Variants in AKAP6 observed in about 807,000 individuals in gnomAD.
AKAP6 encodes the protein A-kinase anchoring protein 6, also known as A-kinase anchor protein 6.
AKAP6 carries 58 observed loss-of-function variants against 188.5 expected under a neutral mutation model. That is an observed-to-expected ratio of 0.31 (90% CI 0.25 to 0.38). AKAP6 has a LOEUF of 0.38. Ranked by LOEUF, AKAP6 falls within the 10% of genes least tolerant of loss-of-function variation. The pLI, the probability that AKAP6 is intolerant of heterozygous loss-of-function variation, is 1.00. For missense variants in AKAP6, 2,710 were observed against 2,740.0 expected, an observed-to-expected ratio of 0.99 and a Z score of 0.24; for synonymous variants, 989 against 998.6, an observed-to-expected ratio of 0.99 and a Z score of 0.18.
At chr14:32,706,284 A>G (rs1890808389) in intron 9 of AKAP6, among the ~76,000 whole-genome samples, 1 of 152,154 alleles carries the variant, frequency 6.6e-6, no homozygotes. Flanking sequence ...TCTGCAAAGA[A>G]AAGATGATAG....
rs763008248 is a variant in AKAP6, at chr14:32,824,494, A to G, written c.6681A>G (p.Glu2227=). The stretch of plus-strand genomic sequence containing the variant: ...AGGAAAGAGCTGAGGTTGGAAAGGA[A>G]GTGAATGGTTTGCCCCAAACTTCCA... ...SSQERAEVGK[E]VNGLPQTSSG... is the part of the protein sequence containing the mutation. The change falls in exon 13 of 14, where the codon GAA becomes GAG. Residue 2227 remains glutamate (E), a synonymous_variant. Transcript: ENST00000280979. 6.8e-6 allele frequency: 11 copies of G among 1,614,004 alleles called. No homozygotes were observed. The East Asian group carries it at 2.5e-4, about 36-fold the overall frequency.
intron 3 of AKAP6, among the ~76,000 whole-genome samples, chr14:32,537,863 G>A (rs898851784): frequency 2.0e-5 from 3 of 152,166 alleles, no homozygotes; most frequent in African/African-American, 7.2e-5. Context: ...GCCATGGACG[G>A]TAATTGTTGC....
intron 2 of AKAP6, among the ~76,000 whole-genome samples, chr14:32,496,651 G>T (rs573267750): frequency 1.3e-4 from 20 of 152,054 alleles, no homozygotes; most frequent in African/African-American, 4.8e-4. Context: ...AAAAGCTGCA[G>T]TATTATTACC....
intron 2 of AKAP6, among the ~76,000 whole-genome samples, chr14:32,510,075 T>C (rs1440976701): frequency 6.6e-6 from 1 of 152,012 alleles, no homozygotes; most frequent in East Asian, 1.9e-4. Flanking sequence ...TGTATTACTT[T>C]GTGGGCGGAG....
At chr14:32,377,754 T>C (rs957257767) in intron 1 of AKAP6, among the ~76,000 whole-genome samples, 2 of 152,240 alleles carry the variant, frequency 1.3e-5, no homozygotes, top group Admixed American at 6.5e-5. Context: ...GTAGGAGTTT[T>C]ATTAACTTAC....
Position 32,577,032 on chromosome 14 carries a change from T to C in AKAP6, c.2347-88T>C, listed in dbSNP as rs372113390. The C allele has an allele frequency of 1.2e-5, 17 of 1,462,474 alleles. No individual in the cohort carries two copies. The African/African-American group carries it at 2.0e-4, about 17-fold the overall frequency. The allele number at this position is 1,462,474 out of a possible 1,614,324, so 90.6% of individuals were successfully genotyped here. A position where few individuals can be genotyped will look rare whatever the true frequency, so the allele number is the denominator to read the frequency against. ...GATCGATTTGATCATGGATAAAATTTGGAACTTTTAATATTGGCTTTTTAC... is the reference window on the plus strand; with the variant it reads ...GATCGATTTGATCATGGATAAAATTCGGAACTTTTAATATTGGCTTTTTAC... On this transcript the variant is annotated intron_variant, in intron 4 of 13. Coordinates refer to ENST00000280979, the MANE Select transcript of AKAP6 (RefSeq NM_004274.5).
chr14:32,667,102 TG>T (rs1053381606), intron 7 of AKAP6, among the ~76,000 whole-genome samples: 2 of 152,136 alleles, frequency 1.3e-5, no homozygotes, highest in African/African-American at 4.8e-5. Context: ...CTCTTTGTTT[TG>T]AGGGTAATAC....
At chr14:32,555,885 A>G (rs895641863) in intron 4 of AKAP6, among the ~76,000 whole-genome samples, 8 of 152,104 alleles carry the variant, frequency 5.3e-5, no homozygotes, top group African/African-American at 1.9e-4. Context: ...GCTATTGTGA[A>G]TAATGCTGCT....
At chr14:32,586,534 TGA>T (rs538805693) in intron 5 of AKAP6, among the ~76,000 whole-genome samples, 124 of 152,118 alleles carry the variant, frequency 8.2e-4, no homozygotes, top group African/African-American at 2.7e-3. Flanking sequence ...GGCTGAGGCA[TGA>T]GAATTTCTTG....
At chr14:32,506,605 A>C (rs571193307) in intron 2 of AKAP6, among the ~76,000 whole-genome samples, 58 of 152,202 alleles carry the variant, frequency 3.8e-4, no homozygotes, top group African/African-American at 1.3e-3. Flanking sequence ...TACTTTGGGA[A>C]GTCGAGGCAG....
At chr14:32,464,249 C>A (rs1474681345) in intron 2 of AKAP6, among the ~76,000 whole-genome samples, 1 of 152,144 alleles carries the variant, frequency 6.6e-6, no homozygotes. Flanking sequence ...TTTTATGAGG[C>A]CAGCATCATC....
chr14:32,595,021 T>C (rs1239125407), intron 5 of AKAP6, among the ~76,000 whole-genome samples: 1 of 152,020 alleles, frequency 6.6e-6, no homozygotes, highest in East Asian at 1.9e-4. Context: ...GACAGAAGAT[T>C]TTCTCCATTT....
chr14:32,474,730 G>A (rs1300096629), intron 2 of AKAP6, among the ~76,000 whole-genome samples: 2 of 152,198 alleles, frequency 1.3e-5, no homozygotes, highest in African/African-American at 4.8e-5. Context: ...AGTTCATTTG[G>A]TCCTGCATTT....
intron 1 of AKAP6, among the ~76,000 whole-genome samples, chr14:32,379,656 A>G (rs963860776): frequency 2.6e-5 from 4 of 152,048 alleles, no homozygotes; most frequent in Non-Finnish European, 4.4e-5. Flanking sequence ...GACTTTGGTC[A>G]TAGGCTTGAG....
chr14:32,744,615 T>C (rs2031819166), intron 11 of AKAP6, among the ~76,000 whole-genome samples: 1 of 152,138 alleles, frequency 6.6e-6, no homozygotes, highest in South Asian at 2.1e-4. Flanking sequence ...CTGCACCCGG[T>C]CCTTGGTATA....
At chr14:32,510,368 GTATATATATGTGTA>G (rs1339497478) in intron 2 of AKAP6, among the ~76,000 whole-genome samples, 1 of 91,020 alleles carries the variant, frequency 1.1e-5, no homozygotes, top group East Asian at 2.8e-4. Context: ...ATATATATGT[GTATATATATGTGTA>G]TATATATATG....
At chr14:32,398,027 A>G (rs1356648373) in intron 1 of AKAP6, among the ~76,000 whole-genome samples, 2 of 152,226 alleles carry the variant, frequency 1.3e-5, no homozygotes, top group Admixed American at 6.5e-5. Context: ...CCCTCTGTGG[A>G]CACATCAACT....
chr14:32,433,535 G>C lies in AKAP6; in HGVS notation c.42G>C (p.Gln14His). ...TGACACTTTCCCCCCTGAGGTCACA[G>C]GACCTGGATCCCATGGCTACTGATG... The part of the protein sequence containing the change: ...MSVTLSPLRS[Q>H]DLDPMATDAS... The change falls in exon 2 of 14, where the codon CAG (glutamine) becomes CAC (histidine). Residue 14 changes from glutamine (Q) to histidine (H), a missense_variant. Gln to His is a conservative substitution (Grantham distance 24). Transcript: ENST00000280979. 4 of 1,614,134 alleles carry C rather than the reference G, an allele frequency of 2.5e-6. No individual in the cohort carries two copies. In the South Asian group the frequency reaches 4.4e-5, roughly 18 times the overall value.
intron 2 of AKAP6, among the ~76,000 whole-genome samples, chr14:32,450,712 A>G (rs1180328532): frequency 6.6e-6 from 1 of 152,074 alleles, no homozygotes; most frequent in Non-Finnish European, 1.5e-5. Flanking sequence ...GTATTAAGAG[A>G]TTTATACTGC....
Sources: gnomAD v4.1 joint callset for allele counts (sites outside exome capture counted in the v4.1 genomes callset) on GRCh38, gnomAD v4.1.1 for gene constraint, MANE v1.5 for transcripts, NCBI Gene and HGNC (gene_info 2026-07-23, HGNC 2026-07-21) for gene names.